DNM3: variants seen among roughly 807,000 people sequenced by gnomAD.
The protein encoded by DNM3 is dynamin-3.
DNM3 carries 47 observed loss-of-function variants against 101.6 expected under a neutral mutation model. That is an observed-to-expected ratio of 0.46 (90% confidence interval 0.37 to 0.59). The LOEUF (loss-of-function observed/expected upper bound fraction) is 0.59. Among genes scored for constraint, DNM3 ranks in the 20% least tolerant of loss-of-function variants. The pLI, the probability that DNM3 is intolerant of heterozygous loss-of-function variation, is 0.00. For missense variants in DNM3, 849 were observed against 1,085.7 expected (o/e 0.78, Z 3.06); for synonymous variants, 385 against 387.9 (o/e 0.99, Z 0.09).
intron 14 of DNM3, among the ~76,000 whole-genome samples, chr1:172,172,432 A>T (rs1223190564): frequency 1.3e-5 from 2 of 151,672 alleles, no homozygotes; most frequent in African/African-American, 2.4e-5. Context: ...CGTCGGACAG[A>T]GGGATGATTC....
chr1:172,347,491 G>A (rs1169228580), intron 17 of DNM3, among the ~76,000 whole-genome samples: 1 of 151,966 alleles, frequency 6.6e-6, no homozygotes, highest in Non-Finnish European at 1.5e-5. Flanking sequence ...GCAGATTGGG[G>A]GAATGACTTC....
chr1:172,416,309 A>G (rs748830955), downstream of DNM3, among the ~76,000 whole-genome samples: 2 of 152,184 alleles, frequency 1.3e-5, no homozygotes, highest in Non-Finnish European at 2.9e-5. Context: ...TGTGTAAGTC[A>G]TATAAAAATT....
At chr1:171,929,315 T>C (rs182896773) in intron 2 of DNM3, among the ~76,000 whole-genome samples, 16 of 152,230 alleles carry the variant, frequency 1.1e-4, no homozygotes, top group Middle Eastern at 3.4e-3. Flanking sequence ...GGTTAGGAAG[T>C]TGCACCTGGT....
chr1:172,296,630 G>T (rs1285485440), intron 15 of DNM3, among the ~76,000 whole-genome samples: 1 of 152,096 alleles, frequency 6.6e-6, no homozygotes, highest in East Asian at 1.9e-4. Flanking sequence ...CCACCATCCT[G>T]GTGATGTCAC....
At chr1:172,379,259 CT>C in intron 18 of DNM3, 77 bp downstream of exon 18, 1 of 1,239,744 alleles carries the variant, frequency 8.1e-7, no homozygotes. Flanking sequence ...TCTTCAGCTT[CT>C]TTGTGTATTT....
intron 1 of DNM3, among the ~76,000 whole-genome samples, chr1:171,894,746 C>T (rs1181237985): frequency 1.3e-5 from 2 of 152,132 alleles, no homozygotes; most frequent in Admixed American, 1.3e-4. Flanking sequence ...GCCCCCGACT[C>T]CCCCAGCAGG....
intron 1 of DNM3, among the ~76,000 whole-genome samples, chr1:171,890,000 A>G (rs1255127357): frequency 6.6e-6 from 1 of 152,212 alleles, no homozygotes; most frequent in African/African-American, 2.4e-5. Flanking sequence ...AAGATTTACC[A>G]GCCATATTTT....
At chr1:171,862,506 A>G (rs1197744744) in intron 1 of DNM3, among the ~76,000 whole-genome samples, 1 of 152,184 alleles carries the variant, frequency 6.6e-6, no homozygotes, top group Non-Finnish European at 1.5e-5. Flanking sequence ...GGCCAATAGT[A>G]TATGATTCCA....
chr1:171,900,662 G>C (rs2038230909), intron 1 of DNM3, among the ~76,000 whole-genome samples: 3 of 152,082 alleles, frequency 2.0e-5, no homozygotes, highest in African/African-American at 4.8e-5. Context: ...TAAGAAGCTT[G>C]TCTGTGGAGG....
At chr1:172,389,676 A>G (rs9425297) in intron 20 of DNM3, among the ~76,000 whole-genome samples, 72,088 of 152,096 alleles carry the variant, frequency 0.47, 20,225 homozygotes, top group East Asian at 0.87. Context: ...TTCAATTCAG[A>G]GAATTAAAAT....
chr1:171,860,459 T>A (rs1020145438), intron 1 of DNM3, among the ~76,000 whole-genome samples: 1 of 152,176 alleles, frequency 6.6e-6, no homozygotes, highest in African/African-American at 2.4e-5. Flanking sequence ...TATTAATACA[T>A]ATTGAAAGGA....
chr1:171,883,415 C>A lies in DNM3; in HGVS notation c.162-38333C>A, dbSNP rs7554484. Among the ~76,000 whole-genome samples, 224 of 48,192 alleles carry A rather than the reference C, an allele frequency of 4.6e-3. 6 individuals carry two copies. The highest frequency in any genetic ancestry group is 0.025 in the South Asian group (44 of 1,774). 31.6% of individuals were successfully genotyped at this position (48,192 alleles called of 152,430 possible). On this transcript the variant is annotated intron_variant, in intron 1 of 20. Coordinates refer to ENST00000627582, the MANE Select transcript of DNM3 (RefSeq NM_015569.5). ...CACACACACACACACACACACACAC[C>A]CTGTCAGAATGAATACCATCAATCT... is the stretch of plus-strand genomic sequence containing the variant.
chr1:172,314,415 G>A (rs969530511), intron 16 of DNM3, among the ~76,000 whole-genome samples: 3 of 152,176 alleles, frequency 2.0e-5, no homozygotes, highest in African/African-American at 7.2e-5. Flanking sequence ...CGCGGTGCAC[G>A]AGCCGAAGCA....
intron 15 of DNM3, among the ~76,000 whole-genome samples, chr1:172,294,004 A>G (rs1311452055): frequency 2.0e-5 from 3 of 152,112 alleles, no homozygotes. Flanking sequence ...TACCTTCCCC[A>G]TACCTTTACA....
intron 14 of DNM3, among the ~76,000 whole-genome samples, chr1:172,151,352 G>C (rs554307986): frequency 7.2e-5 from 11 of 152,252 alleles, no homozygotes; most frequent in African/African-American, 2.6e-4. Flanking sequence ...TTGTAATTTT[G>C]CAAATGCAAC....
intron 4 of DNM3, among the ~76,000 whole-genome samples, chr1:172,002,866 G>A (rs964383971): frequency 6.6e-6 from 1 of 151,998 alleles, no homozygotes; most frequent in Non-Finnish European, 1.5e-5. Context: ...TTAAAATAGA[G>A]CTTGTTATTA....
chr1:171,878,615 G>A (rs980931511), intron 1 of DNM3, among the ~76,000 whole-genome samples: 1 of 152,062 alleles, frequency 6.6e-6, no homozygotes, highest in African/African-American at 2.4e-5. Context: ...GCATGGGCGT[G>A]AACTCAGATT....
chr1:172,342,191 G>A (rs1225670677), intron 17 of DNM3, among the ~76,000 whole-genome samples: 2 of 152,176 alleles, frequency 1.3e-5, no homozygotes, highest in Non-Finnish European at 2.9e-5. Flanking sequence ...ATTGTGGAAA[G>A]CAGTGTGGCG....
At position 172,154,022 on chromosome 1, in the gene DNM3, A is replaced by ATTCG. The variant is rs1175155522; in HGVS notation, c.1659+22737_1659+22740dup. Among the ~76,000 whole-genome samples, 7 of 151,548 alleles carry ATTCG rather than the reference A, an allele frequency of 4.6e-5. No individual in the cohort carries two copies. In the East Asian group the frequency reaches 1.3e-3, roughly 29 times the overall value. Reference sequence around the variant, plus strand: ...GTCTGTTCCATTCATTCGTTCATTCATTCGTTGCTTGTGACCTGCTGATTC... The same window carrying ATTCG: ...GTCTGTTCCATTCATTCGTTCATTCATTCGTTCGTTGCTTGTGACCTGCTGATTC... On this transcript the variant is annotated intron_variant, in intron 14 of 20. Coordinates refer to ENST00000627582, the MANE Select transcript of DNM3 (RefSeq NM_015569.5).
Sources: allele counts gnomAD v4.1 joint callset (sites outside exome capture counted in the v4.1 genomes callset), GRCh38; gene constraint gnomAD v4.1.1; transcripts MANE v1.5; gene names NCBI Gene and HGNC (gene_info 2026-07-23, HGNC 2026-07-21).